PRKCQ: variants seen among roughly 807,000 people sequenced by gnomAD.
PRKCQ encodes protein kinase C theta.
Under a neutral mutation model 91.2 loss-of-function variants are expected in PRKCQ, and 41 were observed. The observed-to-expected ratio is 0.45, with a 90% CI of 0.35 to 0.58. The LOEUF (loss-of-function observed/expected upper bound fraction) is 0.58, where lower values mean the gene tolerates loss of function less well. Among genes scored for constraint, PRKCQ ranks in the 20% least tolerant of loss-of-function variants. The probability of loss-of-function intolerance (pLI) is 0.00; values close to 1 mark genes in which losing one functional copy is unlikely to be tolerated. For synonymous variants in PRKCQ, 307 were observed against 316.9 expected (o/e 0.97, Z 0.33); for missense variants, 673 against 896.5 (o/e 0.75, Z 3.18).
At chr10:6,574,911 C>G (rs1055039764) in intron 1 of PRKCQ, among the ~76,000 whole-genome samples, 5 of 152,180 alleles carry the variant, frequency 3.3e-5, no homozygotes, top group Admixed American at 1.3e-4. Flanking sequence ...ACTGACAGCT[C>G]TGCGACACCC....
chr10:6,451,497 T>C (rs1487239935), intron 15 of PRKCQ, among the ~76,000 whole-genome samples: 2 of 152,180 alleles, frequency 1.3e-5, no homozygotes, highest in East Asian at 1.9e-4. Context: ...CTACCAGAGG[T>C]ACAAGGAGGA....
chr10:6,533,899 A>G (rs1260491024), intron 1 of PRKCQ, among the ~76,000 whole-genome samples: 1 of 152,202 alleles, frequency 6.6e-6, no homozygotes, highest in Non-Finnish European at 1.5e-5. Flanking sequence ...AAACTGCTAA[A>G]CCACTAAAAG....
chr10:6,562,138 G>A (rs1307561637), intron 1 of PRKCQ, among the ~76,000 whole-genome samples: 1 of 152,110 alleles, frequency 6.6e-6, no homozygotes, highest in Non-Finnish European at 1.5e-5. Flanking sequence ...GTGGACGCTC[G>A]TGGGTAAGGA....
chr10:6,407,018 G>C, the PRKCQ span, among the ~76,000 whole-genome samples: 1 of 152,318 alleles, frequency 6.6e-6, no homozygotes, highest in East Asian at 1.9e-4. This position sits in a 1 kb window ranked among gnomAD's most constrained non-coding sequence, Gnocchi z 4.0. Context: ...AAAGCCCTTT[G>C]AAAAGATCAA....
the PRKCQ span, among the ~76,000 whole-genome samples, chr10:6,409,364 G>A: frequency 3.9e-5 from 6 of 152,090 alleles, no homozygotes; most frequent in African/African-American, 9.7e-5. Flanking sequence ...GCACGATCTC[G>A]GCTCACTGCA....
At chr10:6,441,539 A>G (rs1833972351) in intron 16 of PRKCQ, among the ~76,000 whole-genome samples, 1 of 151,378 alleles carries the variant, frequency 6.6e-6, no homozygotes, top group Non-Finnish European at 1.5e-5. Flanking sequence ...TCCAACTTCA[A>G]TCCTCCTGCC....
chr10:6,489,867 G>C (rs545423448), intron 8 of PRKCQ, among the ~76,000 whole-genome samples: 1 of 152,160 alleles, frequency 6.6e-6, no homozygotes, highest in Non-Finnish European at 1.5e-5. Context: ...TAACGCCCAG[G>C]AACCCCTGGG....
chr10:6,575,130 T>A (rs1428206405), intron 1 of PRKCQ, among the ~76,000 whole-genome samples: 1 of 152,190 alleles, frequency 6.6e-6, no homozygotes, highest in African/African-American at 2.4e-5. Context: ...CAGAGTTGCA[T>A]GACATTATAA....
chr10:6,535,708 C>A (rs1839556176), intron 1 of PRKCQ, among the ~76,000 whole-genome samples: 1 of 152,132 alleles, frequency 6.6e-6, no homozygotes, highest in African/African-American at 2.4e-5. Context: ...GTGTCCACCT[C>A]CCCTCTTGGT....
chr10:6,462,983 C>T (rs530828347), intron 13 of PRKCQ, among the ~76,000 whole-genome samples: 216 of 143,914 alleles, frequency 1.5e-3, no homozygotes, highest in African/African-American at 5.4e-3. Flanking sequence ...CCAGCATGGA[C>T]GACAGAGCAA....
the PRKCQ span, among the ~76,000 whole-genome samples, chr10:6,408,838 T>A: frequency 2.0e-5 from 3 of 152,240 alleles, no homozygotes; most frequent in African/African-American, 7.2e-5. Context: ...TGAACAATGC[T>A]GCTCTCCATA....
At chr10:6,568,140 G>A (rs1840898974) in intron 1 of PRKCQ, among the ~76,000 whole-genome samples, 1 of 151,956 alleles carries the variant, frequency 6.6e-6, no homozygotes, top group Admixed American at 6.6e-5. Flanking sequence ...CAGGTGAGGC[G>A]AAGGGCGGAG....
intron 15 of PRKCQ, among the ~76,000 whole-genome samples, chr10:6,445,886 A>G (rs1375927184): frequency 6.6e-6 from 1 of 152,246 alleles, no homozygotes; most frequent in African/African-American, 2.4e-5. Flanking sequence ...CGTCAAAGCA[A>G]CCAGAAACGT....
intron 1 of PRKCQ, among the ~76,000 whole-genome samples, chr10:6,556,493 CAT>C (rs1305336689): frequency 6.8e-6 from 1 of 147,010 alleles, no homozygotes; most frequent in East Asian, 2.0e-4. Context: ...GAGGCAAATT[CAT>C]AGAGACAAAG....
intron 1 of PRKCQ, among the ~76,000 whole-genome samples, chr10:6,563,358 G>A (rs956286539): frequency 4.6e-5 from 7 of 151,968 alleles, no homozygotes; most frequent in African/African-American, 1.7e-4. Context: ...GATTCTGGGT[G>A]CCCTGCCTTC....
chr10:6,475,162 G>T (rs940700113), intron 12 of PRKCQ, among the ~76,000 whole-genome samples: 1 of 152,116 alleles, frequency 6.6e-6, no homozygotes, highest in African/African-American at 2.4e-5. Context: ...CTTTTGATTT[G>T]AGCCTCATTC....
chr10:6,404,982 CTTTCTT>C, the PRKCQ span, among the ~76,000 whole-genome samples: 4 of 150,134 alleles, frequency 2.7e-5, no homozygotes, highest in Non-Finnish European at 5.9e-5. Flanking sequence ...CTCTCTCTCT[CTTTCTT>C]TCTTTCTTTC....
the PRKCQ span, among the ~76,000 whole-genome samples, chr10:6,405,841 C>A: frequency 6.6e-6 from 1 of 152,154 alleles, no homozygotes; most frequent in Admixed American, 6.5e-5. Context: ...CACCCATGTG[C>A]CCATGGGGAG....
intron 16 of PRKCQ, among the ~76,000 whole-genome samples, chr10:6,432,107 A>G (rs1028237536): frequency 1.3e-5 from 2 of 152,218 alleles, no homozygotes; most frequent in South Asian, 4.1e-4. Context: ...TGAAGTAACC[A>G]TGAGTTATAG....
Sources: allele counts gnomAD v4.1 joint callset (sites outside exome capture counted in the v4.1 genomes callset), GRCh38; gene constraint gnomAD v4.1.1; non-coding constraint Gnocchi (gnomAD v3.1); transcripts MANE v1.5; gene names NCBI Gene and HGNC (gene_info 2026-07-23, HGNC 2026-07-21).